Variants in ASIC1 observed in about 807,000 individuals in gnomAD.
ASIC1 encodes acid sensing ion channel subunit 1, also known as acid-sensing ion channel 1.
A neutral mutation model predicts 63.4 loss-of-function variants in ASIC1; 21 were observed. That is an observed-to-expected ratio of 0.33 (90% CI 0.23 to 0.48). The LOEUF is 0.48. Among genes scored for constraint, ASIC1 ranks in the 20% least tolerant of loss-of-function variants. The pLI, the probability that ASIC1 is intolerant of heterozygous loss-of-function variation, is 0.99. For missense variants in ASIC1, 478 were observed against 695.5 expected (o/e 0.69, Z 3.52); for synonymous variants, 258 against 278.2 (o/e 0.93, Z 0.72).
At chr12:50,060,898 C>T (rs145598686) in intron 3 of ASIC1, among the ~76,000 whole-genome samples, 375 of 152,312 alleles carry the variant, frequency 2.5e-3, no homozygotes, top group Admixed American at 6.2e-3. Flanking sequence ...CTAGGCTCCC[C>T]TCAATCCCCT....
At chr12:50,063,199 G>A (rs1404575540) in intron 3 of ASIC1, among the ~76,000 whole-genome samples, 1 of 152,210 alleles carries the variant, frequency 6.6e-6, no homozygotes, top group East Asian at 1.9e-4. Context: ...GGATTCCATG[G>A]AGGGGGGCTG....
In ASIC1 at chr12:50,058,844, A is replaced by G. The variant is rs74090033; in HGVS notation, c.78A>G (p.Thr26=). The change falls in exon 2 of 12, where the codon ACA becomes ACG. Residue 26 remains threonine (T), a synonymous_variant. Coordinates refer to ENST00000447966, the MANE Select transcript of ASIC1 (RefSeq NM_001095.4). ...VSIQAFASSS[T]LHGLAHIFSY... is the part of the protein sequence containing the mutation. ...TCCAGGCCTTCGCCAGCAGCTCCAC[A>G]CTGCACGGCCTGGCCCACATCTTCT... The G allele has an allele frequency of 1.0e-3, 1,636 of 1,613,748 alleles. 20 individuals are homozygous for G. The African/African-American group carries it at 0.019, about 19-fold the overall frequency.
intron 8 of ASIC1, 156 bp from the exon 9 acceptor site, chr12:50,080,342 T>C: frequency 1.2e-6 from 1 of 806,812 alleles, no homozygotes; most frequent in East Asian, 2.6e-5. Context: ...ATATATGCCA[T>C]CTCATTTAAT....
rs1950679341 is a variant in ASIC1, at chr12:50,078,324, G to A, written c.838-97G>A. 6.5e-7 allele frequency: 1 copy of A among 1,545,848 alleles called. No homozygotes were observed. The highest frequency in any genetic ancestry group is 8.8e-7 in the Non-Finnish European group (1 of 1,136,924). On this transcript the variant is annotated intron_variant, in intron 5 of 11. Coordinates refer to ENST00000447966, the MANE Select transcript of ASIC1 (RefSeq NM_001095.4). This position sits in a 1 kb window ranked among gnomAD's most constrained non-coding sequence, Gnocchi z 6.0. ...TTGGAGGCTGCAGAGGGAGAGGGGA[G>A]CAGAACTCCAGAGATCTGCATCTTG...
chr12:50,067,404 G>T (rs1159229615), intron 3 of ASIC1, among the ~76,000 whole-genome samples: 2 of 97,840 alleles, frequency 2.0e-5, no homozygotes, highest in Non-Finnish European at 4.1e-5. Context: ...CAACTCTTCT[G>T]CTGTTGTTTT....
At chr12:50,068,619 G>A (rs541340752) in intron 3 of ASIC1, among the ~76,000 whole-genome samples, 1 of 151,684 alleles carries the variant, frequency 6.6e-6, no homozygotes, top group African/African-American at 2.4e-5. Context: ...CCCACTTAAC[G>A]TCTCTACTTG....
chr12:50,060,031 C>T (rs1950486731), intron 3 of ASIC1, 77 bp downstream of exon 3: 1 of 1,527,456 alleles, frequency 6.5e-7, no homozygotes, highest in Non-Finnish European at 8.9e-7. Context: ...GGCTGGGCCT[C>T]TCCGGGTGCT....
intron 3 of ASIC1, among the ~76,000 whole-genome samples, chr12:50,076,466 CA>C (rs11461680): frequency 9.0e-5 from 13 of 145,218 alleles, no homozygotes; most frequent in East Asian, 2.0e-4. Context: ...GACTCCATCC[CA>C]AAAAAAAAAA....
intron 3 of ASIC1, among the ~76,000 whole-genome samples, chr12:50,063,206 G>C (rs977539683): frequency 6.6e-6 from 1 of 152,192 alleles, no homozygotes; most frequent in African/African-American, 2.4e-5. Flanking sequence ...ATGGAGGGGG[G>C]CTGGGGTGCA....
chr12:50,061,746 G>C (rs866405817), intron 3 of ASIC1, among the ~76,000 whole-genome samples: 50 of 152,214 alleles, frequency 3.3e-4, no homozygotes, highest in African/African-American at 1.1e-3. Context: ...GGCTCCATCT[G>C]TCCATCATGT....
intron 3 of ASIC1, among the ~76,000 whole-genome samples, chr12:50,065,934 C>T (rs577190469): frequency 6.6e-6 from 1 of 152,348 alleles, no homozygotes; most frequent in African/African-American, 2.4e-5. Flanking sequence ...CCTCACAACA[C>T]CCTCATCACA....
At chr12:50,064,122 G>A (rs450423) in intron 3 of ASIC1, among the ~76,000 whole-genome samples, 134,867 of 152,046 alleles carry the variant, frequency 0.89, 61,055 homozygotes, top group Non-Finnish European at 0.98. Flanking sequence ...AGAAGAGGCC[G>A]ACCTGGAGAC....
At chr12:50,066,166 T>A (rs1950543516) in intron 3 of ASIC1, among the ~76,000 whole-genome samples, 1 of 152,236 alleles carries the variant, frequency 6.6e-6, no homozygotes. Flanking sequence ...CTTTGCAATT[T>A]ACAAATTCCC....
chr12:50,067,415 T>G (rs904822464), intron 3 of ASIC1, among the ~76,000 whole-genome samples: 2 of 151,496 alleles, frequency 1.3e-5, no homozygotes, highest in African/African-American at 4.8e-5. Flanking sequence ...CTGTTGTTTT[T>G]TTTTTTTTTT....
Position 50,078,004 on chromosome 12 carries a change from G to C in ASIC1, c.714G>C (p.Glu238Asp), listed in dbSNP as rs1283334880. The C allele has an allele frequency of 1.2e-6, 2 of 1,611,862 alleles. No individual in the cohort carries two copies. Among genetic ancestry groups the C allele is most frequent in the South Asian group, 1.1e-5 (1 of 90,762 alleles). ...EYLPVWGETD[E>D]TSFEAGIKVQ... The stretch of plus-strand genomic sequence containing the variant: ...ACACACTCCTCATTCCCCTAGACGA[G>C]ACGTCCTTCGAAGCAGGCATCAAAG... The change falls in exon 5 of 12, where the codon GAG becomes GAC. Residue 238 changes from glutamate (E) to aspartate (D), a missense_variant. Physicochemically the swap from Glu to Asp is conservative, Grantham distance 45. Transcript: ENST00000447966. The surrounding 1 kb of genome is among the most constrained non-coding windows in gnomAD (Gnocchi z 6.0).
chr12:50,064,902 C>T (rs181123912), intron 3 of ASIC1, among the ~76,000 whole-genome samples: 4 of 152,072 alleles, frequency 2.6e-5, no homozygotes, highest in African/African-American at 9.7e-5. Context: ...CCAGGTCCTG[C>T]GCTGGGGCAG....
At chr12:50,066,655 C>T (rs1390014217) in intron 3 of ASIC1, among the ~76,000 whole-genome samples, 3 of 152,274 alleles carry the variant, frequency 2.0e-5, no homozygotes, top group East Asian at 1.9e-4. Context: ...CTTAAATGGG[C>T]GTGCAGTGCT....
At chr12:50,062,462 G>A (rs557310514) in intron 3 of ASIC1, among the ~76,000 whole-genome samples, 4 of 152,332 alleles carry the variant, frequency 2.6e-5, no homozygotes, top group Admixed American at 6.5e-5. Context: ...CTTCACTGAG[G>A]AAAGAAGGTA....
chr12:50,063,684 G>C (rs1950521039), intron 3 of ASIC1, among the ~76,000 whole-genome samples: 1 of 152,116 alleles, frequency 6.6e-6, no homozygotes, highest in Admixed American at 6.5e-5. Context: ...GCTAGGTTCT[G>C]AAGGGGCCCG....
Sources: gnomAD v4.1 joint callset for allele counts (sites outside exome capture counted in the v4.1 genomes callset) on GRCh38, gnomAD v4.1.1 for gene constraint, Gnocchi (gnomAD v3.1) non-coding constraint, MANE v1.5 for transcripts, NCBI Gene and HGNC (gene_info 2026-07-23, HGNC 2026-07-21) for gene names.